The following USO1 variants were observed in gnomAD, a reference collection of about 807,000 sequenced individuals.
USO1 encodes general vesicular transport factor p115.
In USO1, 57 loss-of-function variants were observed where a neutral mutation model predicts 124.5. That is an observed-to-expected ratio of 0.46 (90% CI 0.37 to 0.57). The LOEUF is 0.57. Ranked by LOEUF, USO1 falls within the 20% of genes least tolerant of loss-of-function variation. The pLI is 0.00. For synonymous variants in USO1, 369 were observed against 362.8 expected (o/e 1.02, Z -0.19); for missense variants, 900 against 1,040.6 (o/e 0.86, Z 1.86).
Position 75,791,386 on chromosome 4 carries a change from T to G in USO1, c.1240+589T>G, listed in dbSNP as rs534695471. On this transcript the variant is annotated intron_variant, in intron 12 of 23. Coordinates refer to ENST00000514213, the MANE Select transcript of USO1 (RefSeq NM_003715.4). ...TAAAAATACAAAAATTAGCTGGGCG[T>G]GGTGGCAGGTGCCTTTAATCCCAGC... is the stretch of plus-strand genomic sequence containing the variant. Among the ~76,000 whole-genome samples, 14 of 152,176 alleles carry G rather than the reference T, an allele frequency of 9.2e-5. No individual in the cohort carries two copies. In the East Asian group the frequency reaches 2.7e-3, roughly 29 times the overall value.
chr4:75,803,204 T>G (rs556556995), intron 17 of USO1, among the ~76,000 whole-genome samples: 82 of 151,898 alleles, frequency 5.4e-4, no homozygotes, highest in African/African-American at 1.9e-3. Context: ...TAGATAGGAT[T>G]AAAAATTATG....
intron 12 of USO1, among the ~76,000 whole-genome samples, chr4:75,792,022 C>CTT (rs35321728): frequency 1.6e-3 from 222 of 136,610 alleles, no homozygotes; most frequent in African/African-American, 4.2e-3. Flanking sequence ...TGAAATGCTT[C>CTT]TTTTTTTTTT....
intron 3 of USO1, among the ~76,000 whole-genome samples, chr4:75,756,169 CA>C (rs11451328): frequency 8.4e-4 from 94 of 112,182 alleles, no homozygotes; most frequent in African/African-American, 7.6e-4. Context: ...GACTCCGTCT[CA>C]AAAAAAAAAA....
intron 20 of USO1, among the ~76,000 whole-genome samples, chr4:75,807,166 A>T (rs1723020695): frequency 6.6e-6 from 1 of 152,140 alleles, no homozygotes; most frequent in Non-Finnish European, 1.5e-5. Context: ...CAATGAAAAA[A>T]TTTAAATGTA....
chr4:75,779,625 CTG>C (rs967512517), intron 8 of USO1, among the ~76,000 whole-genome samples: 4 of 152,122 alleles, frequency 2.6e-5, no homozygotes, highest in South Asian at 2.1e-4. Flanking sequence ...TCTGTGAAGA[CTG>C]AGAGAGGTGA....
At chr4:75,768,231 G>T (rs1357858060) in intron 4 of USO1, among the ~76,000 whole-genome samples, 14 of 152,046 alleles carry the variant, frequency 9.2e-5, no homozygotes, top group African/African-American at 2.7e-4. Context: ...GCCCAGGCTG[G>T]TCTTGAATTC....
intron 4 of USO1, among the ~76,000 whole-genome samples, chr4:75,765,999 TCTAC>T (rs1721759725): frequency 6.6e-6 from 1 of 152,208 alleles, no homozygotes; most frequent in Admixed American, 6.5e-5. Context: ...TATCCTCTCC[TCTAC>T]CTGTTTTCCT....
At chr4:75,776,568 T>G (rs1722076841) in intron 8 of USO1, among the ~76,000 whole-genome samples, 1 of 152,204 alleles carries the variant, frequency 6.6e-6, no homozygotes, top group African/African-American at 2.4e-5. Context: ...AAAACAAGTT[T>G]CAGTGGCTCT....
chr4:75,743,550 A>G (rs1181862146), intron 1 of USO1, among the ~76,000 whole-genome samples: 1 of 151,974 alleles, frequency 6.6e-6, no homozygotes, highest in Non-Finnish European at 1.5e-5. Flanking sequence ...TCTCTTTGCC[A>G]TTATAGTTTC....
At chr4:75,725,203 C>A (rs1413666442) in intron 1 of USO1, among the ~76,000 whole-genome samples, 1 of 152,190 alleles carries the variant, frequency 6.6e-6, no homozygotes. Context: ...CGAGCTGGCC[C>A]GAACTGCCTC....
intron 8 of USO1, among the ~76,000 whole-genome samples, chr4:75,779,100 A>G (rs1188317355): frequency 1.3e-5 from 2 of 152,172 alleles, no homozygotes; most frequent in Non-Finnish European, 2.9e-5. Context: ...GGGTACCACA[A>G]ACAGTGCCCA....
intron 1 of USO1, among the ~76,000 whole-genome samples, chr4:75,735,452 C>T (rs920465923): frequency 2.0e-5 from 3 of 152,034 alleles, no homozygotes; most frequent in African/African-American, 7.2e-5. Flanking sequence ...CTGATTAGGA[C>T]TTCCTCCTTT....
At chr4:75,733,456 A>G (rs1720696904) in intron 1 of USO1, among the ~76,000 whole-genome samples, 1 of 152,264 alleles carries the variant, frequency 6.6e-6, no homozygotes, top group Non-Finnish European at 1.5e-5. Flanking sequence ...CCTTTTCTCT[A>G]TAACCTCTCT....
At chr4:75,775,354 C>T (rs1722044432) in intron 8 of USO1, among the ~76,000 whole-genome samples, 1 of 152,124 alleles carries the variant, frequency 6.6e-6, no homozygotes, top group African/African-American at 2.4e-5. Flanking sequence ...GTCGGGCCAA[C>T]ATGGCAAAAC....
At chr4:75,806,346 C>T in intron 19 of USO1, 140 bp from the exon 20 acceptor site, 1 of 1,065,542 alleles carries the variant, frequency 9.4e-7, no homozygotes, top group Non-Finnish European at 1.3e-6. Context: ...GGAATTTTAT[C>T]TTGGGCATAA....
intron 1 of USO1, among the ~76,000 whole-genome samples, chr4:75,745,895 G>A (rs935607874): frequency 1.3e-5 from 2 of 151,716 alleles, no homozygotes; most frequent in Non-Finnish European, 2.9e-5. Context: ...GTGAGACTCC[G>A]TGTCAAATAA....
chr4:75,790,011 A>G (rs1460309959), intron 10 of USO1, 139 bp from the exon 11 acceptor site: 1 of 951,106 alleles, frequency 1.1e-6, no homozygotes, highest in African/African-American at 1.7e-5. Flanking sequence ...ACTAACCTGC[A>G]CAATGTGCAC....
At chr4:75,726,296 A>AG (rs1395753340) in intron 1 of USO1, among the ~76,000 whole-genome samples, 1 of 149,908 alleles carries the variant, frequency 6.7e-6, no homozygotes. Flanking sequence ...AAAAAAAAAA[A>AG]AAAAAGGGGT....
intron 14 of USO1, 122 bp from the exon 15 acceptor site, chr4:75,800,229 A>G (rs1348475629): frequency 5.7e-6 from 7 of 1,228,700 alleles, no homozygotes; most frequent in Non-Finnish European, 7.7e-6. Flanking sequence ...GAGCCACCAC[A>G]CCTAGCCTAT....
Sources: gnomAD v4.1 joint callset for allele counts (sites outside exome capture counted in the v4.1 genomes callset) on GRCh38, gnomAD v4.1.1 for gene constraint, MANE v1.5 for transcripts, NCBI Gene and HGNC (gene_info 2026-07-23, HGNC 2026-07-21) for gene names.